ELOVL6: variants seen among roughly 807,000 people sequenced by gnomAD.
ELOVL6 encodes ELOVL fatty acid elongase 6.
A neutral mutation model predicts 31.7 loss-of-function variants in ELOVL6; 8 were observed. The ratio of observed to expected loss-of-function variants is 0.25; its 90% confidence interval spans 0.15 to 0.45. The LOEUF is 0.45. Ranked by LOEUF, ELOVL6 falls within the 20% of genes least tolerant of loss-of-function variation. The pLI, the probability that ELOVL6 is intolerant of heterozygous loss-of-function variation, is 1.00. For missense variants in ELOVL6, 126 were observed against 326.4 expected (o/e 0.39, Z 4.73); for synonymous variants, 101 against 117.7 (o/e 0.86, Z 0.92).
intron 1 of ELOVL6, among the ~76,000 whole-genome samples, chr4:110,161,228 G>A (rs1163012788): frequency 6.6e-6 from 1 of 152,166 alleles, no homozygotes; most frequent in East Asian, 1.9e-4. Context: ...AAATATGTCT[G>A]TGTATGTATA....
intron 2 of ELOVL6, among the ~76,000 whole-genome samples, chr4:110,083,389 C>T (rs11726880): frequency 0.13 from 20,401 of 151,490 alleles, 1,628 homozygotes; most frequent in African/African-American, 0.16. Flanking sequence ...TAGAGAAGAA[C>T]ATACCAGGTA....
intron 1 of ELOVL6, among the ~76,000 whole-genome samples, chr4:110,109,254 C>A (rs142862438): frequency 3.4e-4 from 51 of 152,190 alleles, no homozygotes; most frequent in Admixed American, 3.9e-4. Flanking sequence ...AGCATGGACT[C>A]TTCTTGTTTA....
chr4:110,069,131 A>AAATAATAATAATAAT (rs58966120), intron 2 of ELOVL6, among the ~76,000 whole-genome samples: 104 of 133,682 alleles, frequency 7.8e-4, no homozygotes, highest in Middle Eastern at 3.8e-3. Flanking sequence ...CTCTGTCTCC[A>AAATAATAATAATAAT]AATAATAATA....
intron 2 of ELOVL6, among the ~76,000 whole-genome samples, chr4:110,082,587 C>T (rs1755898338): frequency 6.6e-6 from 1 of 151,576 alleles, no homozygotes; most frequent in African/African-American, 2.4e-5. Flanking sequence ...CACACCAGGG[C>T]CTGTTGTGGG....
intron 2 of ELOVL6, among the ~76,000 whole-genome samples, chr4:110,078,398 A>G (rs537567867): frequency 5.6e-4 from 86 of 152,360 alleles, no homozygotes; most frequent in Non-Finnish European, 7.4e-4. Context: ...CTCTTGGCAG[A>G]AACTCTACAA....
At chr4:110,110,361 C>T (rs1421252122) in intron 1 of ELOVL6, among the ~76,000 whole-genome samples, 3 of 115,486 alleles carry the variant, frequency 2.6e-5, no homozygotes, top group African/African-American at 8.5e-5. Context: ...TTCATATAGG[C>T]ATTTTTTTTA....
Position 110,141,758 on chromosome 4 carries a change from G to GTATTA in ELOVL6, c.90-36135_90-36131dup, listed in dbSNP as rs563610349. Among the ~76,000 whole-genome samples the GTATTA allele has an allele frequency of 3.0e-3, 423 of 140,862 alleles. 2 individuals carry two copies. Among genetic ancestry groups the GTATTA allele is most frequent in the Middle Eastern group, 0.016 (4 of 258 alleles). The allele number at this position is 140,862 out of a possible 152,430, so 92.4% of individuals were successfully genotyped here. A position where few individuals can be genotyped will look rare whatever the true frequency, so the allele number is the denominator to read the frequency against. On this transcript the variant is annotated intron_variant, in intron 1 of 3. Coordinates refer to ENST00000302274, the MANE Select transcript of ELOVL6 (RefSeq NM_024090.3). Reference sequence around the variant, plus strand: ...GTATTGTATTTATATATATAGTATTGTATTAGTATATATATACAGTATATA... The same window carrying GTATTA: ...GTATTGTATTTATATATATAGTATTGTATTATATTAGTATATATATACAGTATATA...
chr4:110,073,545 T>A (rs910168296), intron 2 of ELOVL6, among the ~76,000 whole-genome samples: 11 of 152,228 alleles, frequency 7.2e-5, no homozygotes, highest in African/African-American at 2.7e-4. Context: ...CTGTGGTATT[T>A]CTTGCTTCAC....
Position 110,105,467 on chromosome 4 carries a change from C to T in ELOVL6, c.221+30G>A, listed in dbSNP as rs375034360. 52 of 1,578,102 alleles carry T rather than the reference C, an allele frequency of 3.3e-5. 1 individual carries two copies. The highest frequency in any genetic ancestry group is 1.2e-4 in the South Asian group (10 of 85,170). On this transcript the variant is annotated intron_variant, in intron 2 of 3. Transcript: ENST00000302274. ...CTTTCAGCAAGTGATAAAATGGATA[C>T]GTTTTATTAGAAAAATGAAAAAAAC...
intron 1 of ELOVL6, among the ~76,000 whole-genome samples, chr4:110,165,608 G>C (rs192035521): frequency 6.6e-6 from 1 of 152,204 alleles, no homozygotes; most frequent in South Asian, 2.1e-4. Context: ...GCTGTGGTAG[G>C]CAGGAAGTAG....
chr4:110,121,367 G>C (rs1757352458), intron 1 of ELOVL6, among the ~76,000 whole-genome samples: 1 of 152,128 alleles, frequency 6.6e-6, no homozygotes, highest in Non-Finnish European at 1.5e-5. Flanking sequence ...GAAAAAATGA[G>C]CATGAAAAGA....
At chr4:110,078,822 A>G (rs1356544217) in intron 2 of ELOVL6, among the ~76,000 whole-genome samples, 2 of 152,248 alleles carry the variant, frequency 1.3e-5, no homozygotes. Context: ...AAGACCCATC[A>G]GTGTGCTATA....
At chr4:110,198,082 C>CTT in intron 1 of ELOVL6, 165 bp downstream of exon 1, 1 of 577,868 alleles carries the variant, frequency 1.7e-6, no homozygotes, top group Non-Finnish European at 3.1e-6. Flanking sequence ...GTACCCCCCC[C>CTT]CCCCCAGCGT....
At chr4:110,056,182 C>A (rs1754983195) in intron 3 of ELOVL6, among the ~76,000 whole-genome samples, 1 of 150,530 alleles carries the variant, frequency 6.6e-6, no homozygotes, top group Non-Finnish European at 1.5e-5. Flanking sequence ...CTCACTAGAT[C>A]TTTTCCTTTT....
intron 1 of ELOVL6, among the ~76,000 whole-genome samples, chr4:110,127,485 C>A (rs1274806673): frequency 1.3e-5 from 2 of 151,254 alleles, no homozygotes; most frequent in South Asian, 4.2e-4. Context: ...ATGGGAGAGC[C>A]TAAGAAAAAC....
At chr4:110,060,901 A>G (rs1218430612) in intron 2 of ELOVL6, among the ~76,000 whole-genome samples, 1 of 152,236 alleles carries the variant, frequency 6.6e-6, no homozygotes, top group African/African-American at 2.4e-5. Flanking sequence ...GAGTTGCTCT[A>G]GAATAAATCA....
intron 1 of ELOVL6, among the ~76,000 whole-genome samples, chr4:110,174,519 C>T (rs1363046455): frequency 6.6e-6 from 1 of 152,112 alleles, no homozygotes; most frequent in African/African-American, 2.4e-5. Context: ...TACTTTTGAA[C>T]ATACATTTTT....
Position 110,066,927 on chromosome 4 carries a change from C to T in ELOVL6, c.222-7173G>A, listed in dbSNP as rs932846340. On this transcript the variant is annotated intron_variant, in intron 2 of 3. Transcript: ENST00000302274. ...GCTCTCCCTCCCCATTGCCCCCCAC[C>T]CCCTGCCAGGCCACAGTGTGTGATG... 1.1e-4 allele frequency among the ~76,000 whole-genome samples: 16 copies of T among 152,168 alleles called. 1 individual carries two copies. Among genetic ancestry groups the T allele is most frequent in the Admixed American group, 1.0e-3 (16 of 15,284 alleles).
At position 110,177,292 on chromosome 4, in the gene ELOVL6, G is replaced by A. The variant is rs898412359; in HGVS notation, c.89+20955C>T. Among the ~76,000 whole-genome samples, 6 of 152,230 alleles carry A rather than the reference G, an allele frequency of 3.9e-5. No individual in the cohort carries two copies. The South Asian group carries it at 1.0e-3, about 26-fold the overall frequency. On this transcript the variant is annotated intron_variant, in intron 1 of 3. Coordinates refer to ENST00000302274, the MANE Select transcript of ELOVL6 (RefSeq NM_024090.3). ...ATCTCTACAAAAAATTTTAGAATTT[G>A]TCAGGTGTGGTGGCATGTCCTGTAG...
Sources: allele counts gnomAD v4.1 joint callset (sites outside exome capture counted in the v4.1 genomes callset), GRCh38; gene constraint gnomAD v4.1.1; transcripts MANE v1.5; gene names NCBI Gene and HGNC (gene_info 2026-07-23, HGNC 2026-07-21).